Variants in NFIB observed in about 807,000 individuals in gnomAD.
NFIB encodes the protein nuclear factor 1 B-type.
In NFIB, 11 loss-of-function variants were observed where a neutral mutation model predicts 61.5. The ratio of observed to expected loss-of-function variants is 0.18; its 90% confidence interval spans 0.11 to 0.30. The LOEUF (loss-of-function observed/expected upper bound fraction) is 0.30, where lower values mean the gene tolerates loss of function less well. Among genes scored for constraint, NFIB ranks in the 10% least tolerant of loss-of-function variants. The pLI is 1.00. For synonymous variants in NFIB, 260 were observed against 216.5 expected (o/e 1.20, Z -1.76); for missense variants, 471 against 608.9 (o/e 0.77, Z 2.38).
chr9:14,175,236 C>T (rs562101817), intron 3 of NFIB, among the ~76,000 whole-genome samples: 29 of 123,108 alleles, frequency 2.4e-4, no homozygotes, highest in African/African-American at 8.0e-4. Context: ...TGCAGTGGTG[C>T]GATCTCGGCT....
chr9:14,344,269 C>A (rs771483814), intron 1 of NFIB, among the ~76,000 whole-genome samples: 1 of 151,496 alleles, frequency 6.6e-6, no homozygotes, highest in Non-Finnish European at 1.5e-5. Flanking sequence ...CAGAAAGGGC[C>A]GAGAGAGGGG....
At chr9:14,352,318 TG>T (rs1326989903) in intron 1 of NFIB, among the ~76,000 whole-genome samples, 1 of 150,980 alleles carries the variant, frequency 6.6e-6, no homozygotes, top group East Asian at 2.0e-4. Flanking sequence ...ATTTTATGAG[TG>T]TGGAGTTGGG....
At chr9:14,410,743 C>A in the NFIB span, among the ~76,000 whole-genome samples, 1 of 152,116 alleles carries the variant, frequency 6.6e-6, no homozygotes, top group African/African-American at 2.4e-5. Context: ...GAAACAACTC[C>A]CACTTTCCTA....
chr9:14,299,546 A>C (rs2059636755), intron 2 of NFIB, among the ~76,000 whole-genome samples: 1 of 152,232 alleles, frequency 6.6e-6, no homozygotes. Flanking sequence ...CACTTGTTTA[A>C]ACAAATTCCA....
intron 2 of NFIB, among the ~76,000 whole-genome samples, chr9:14,234,781 T>G (rs551371648): frequency 6.7e-6 from 1 of 149,122 alleles, no homozygotes; most frequent in African/African-American, 2.5e-5. Flanking sequence ...GTGCTGGCAT[T>G]TGTTCGTTGA....
chr9:14,460,938 C>T, the NFIB span, among the ~76,000 whole-genome samples: 13 of 152,000 alleles, frequency 8.6e-5, no homozygotes, highest in African/African-American at 3.1e-4. Flanking sequence ...TCTTTAGGAC[C>T]CAAGCTCCAC....
At chr9:14,199,891 G>T (rs1262794149) in intron 2 of NFIB, among the ~76,000 whole-genome samples, 1 of 152,104 alleles carries the variant, frequency 6.6e-6, no homozygotes, top group Non-Finnish European at 1.5e-5. Flanking sequence ...AATCATATTT[G>T]CTAAGGTATT....
chr9:14,237,481 T>A (rs560779371), intron 2 of NFIB, among the ~76,000 whole-genome samples: 11 of 146,064 alleles, frequency 7.5e-5, no homozygotes, highest in African/African-American at 2.7e-4. Flanking sequence ...CAAAAGCTCT[T>A]CATTATGTCT....
At chr9:14,412,929 G>A in the NFIB span, among the ~76,000 whole-genome samples, 8 of 152,134 alleles carry the variant, frequency 5.3e-5, no homozygotes, top group African/African-American at 9.7e-5. Context: ...TAGGAAGGGC[G>A]CCTCCACTTC....
the NFIB span, among the ~76,000 whole-genome samples, chr9:14,474,216 T>C: frequency 6.6e-6 from 1 of 152,218 alleles, no homozygotes; most frequent in East Asian, 1.9e-4. Context: ...ATCATAGTTC[T>C]AGAGGCTGGG....
chr9:14,507,367 CAGTCAACACG>C, the NFIB span, among the ~76,000 whole-genome samples: 1 of 152,230 alleles, frequency 6.6e-6, no homozygotes, highest in East Asian at 1.9e-4. Flanking sequence ...TGTTTCTTCA[CAGTCAACACG>C]ACAGTTGATT....
the NFIB span, among the ~76,000 whole-genome samples, chr9:14,514,717 A>G: frequency 0.83 from 126,724 of 152,046 alleles, 53,002 homozygotes; most frequent in Admixed American, 0.9. Context: ...TCTTTTTATT[A>G]GCCTCCTTGA....
chr9:14,509,300 T>C, the NFIB span, among the ~76,000 whole-genome samples: 1 of 152,196 alleles, frequency 6.6e-6, no homozygotes, highest in Non-Finnish European at 1.5e-5. Flanking sequence ...CAGACACACA[T>C]GTTCTGCAGA....
chr9:14,176,247 T>G (rs1479790948), intron 3 of NFIB, among the ~76,000 whole-genome samples: 4 of 112,226 alleles, frequency 3.6e-5, no homozygotes, highest in African/African-American at 1.2e-4. Flanking sequence ...TTAGGAGGGA[T>G]TAACTTGTTA....
chr9:14,524,297 T>C, the NFIB span, among the ~76,000 whole-genome samples: 1 of 152,146 alleles, frequency 6.6e-6, no homozygotes, highest in Non-Finnish European at 1.5e-5. Flanking sequence ...CATTCATACC[T>C]ATAGCATAGA....
chr9:14,117,953 G>T (rs1399465669), intron 8 of NFIB, among the ~76,000 whole-genome samples: 3 of 152,118 alleles, frequency 2.0e-5, no homozygotes, highest in East Asian at 3.9e-4. Flanking sequence ...GGAAGCAACA[G>T]CTGACTAGAA....
At chr9:14,462,019 C>G in the NFIB span, among the ~76,000 whole-genome samples, 1 of 152,200 alleles carries the variant, frequency 6.6e-6, no homozygotes, top group Non-Finnish European at 1.5e-5. Flanking sequence ...GCAGAGAAGA[C>G]TGATTGGGAA....
intron 2 of NFIB, among the ~76,000 whole-genome samples, chr9:14,182,868 T>A (rs1001280246): frequency 3.3e-5 from 5 of 151,918 alleles, no homozygotes; most frequent in Non-Finnish European, 7.4e-5. Flanking sequence ...AAAACTGCAA[T>A]AATATTATCT....
intron 3 of NFIB, among the ~76,000 whole-genome samples, chr9:14,169,069 G>A (rs569682809): frequency 1.4e-4 from 21 of 152,240 alleles, no homozygotes; most frequent in African/African-American, 4.8e-4. Context: ...TGCTTAGAAA[G>A]TACTTCAATT....
Sources: gnomAD v4.1 joint callset for allele counts (sites outside exome capture counted in the v4.1 genomes callset) on GRCh38, gnomAD v4.1.1 for gene constraint, MANE v1.5 for transcripts, NCBI Gene and HGNC (gene_info 2026-07-23, HGNC 2026-07-21) for gene names.